The following TRAPPC9 variants were observed in gnomAD, a reference collection of about 807,000 sequenced individuals.
The protein encoded by TRAPPC9 is trafficking protein particle complex subunit 9.
TRAPPC9 carries 83 observed loss-of-function variants against 124.0 expected under a neutral mutation model. The ratio of observed to expected loss-of-function variants is 0.67; its 90% CI spans 0.56 to 0.80. The LOEUF (loss-of-function observed/expected upper bound fraction) is 0.80. TRAPPC9 is among the 30% of genes least tolerant of loss of function. TRAPPC9 has a pLI of 0.00. For synonymous variants in TRAPPC9, 638 were observed against 617.5 expected (o/e 1.03, Z -0.49); for missense variants, 1,302 against 1,508.3 (o/e 0.86, Z 2.27).
chr8:140,361,126 G>C (rs988955459), intron 8 of TRAPPC9, among the ~76,000 whole-genome samples: 1 of 152,160 alleles, frequency 6.6e-6, no homozygotes, highest in Non-Finnish European at 1.5e-5. Context: ...CCAAAACTTA[G>C]ACCATGAAAA....
chr8:139,896,021 G>A (rs1358488570), intron 20 of TRAPPC9, among the ~76,000 whole-genome samples: 3 of 152,204 alleles, frequency 2.0e-5, no homozygotes, highest in Non-Finnish European at 4.4e-5. Context: ...TGGAGCTTTG[G>A]AAGCCATTCC....
At chr8:140,379,022 A>C (rs1241090501) in intron 7 of TRAPPC9, among the ~76,000 whole-genome samples, 2 of 152,234 alleles carry the variant, frequency 1.3e-5, no homozygotes, top group Admixed American at 1.3e-4. Flanking sequence ...CTATATTGTC[A>C]AAACAAAAAT....
Position 140,351,612 on chromosome 8 carries a change from T to C in TRAPPC9, c.1495+8438A>G, listed in dbSNP as rs189310280. 8.5e-5 allele frequency among the ~76,000 whole-genome samples: 13 copies of C among 152,170 alleles called. No individual in the cohort carries two copies. In the East Asian group the frequency reaches 2.5e-3, roughly 29 times the overall value. ...GGCGAGACCTCATCTCTGCTAAAAATAAAAATAAATAAATAAACAAACTAT... is the reference window on the plus strand; with the variant it reads ...GGCGAGACCTCATCTCTGCTAAAAACAAAAATAAATAAATAAACAAACTAT... On this transcript the variant is annotated intron_variant, in intron 9 of 22. Coordinates refer to ENST00000438773, the MANE Select transcript of TRAPPC9 (RefSeq NM_001160372.4).
intron 6 of TRAPPC9, among the ~76,000 whole-genome samples, chr8:140,403,873 G>A (rs1372160138): frequency 6.6e-6 from 1 of 151,910 alleles, no homozygotes; most frequent in Non-Finnish European, 1.5e-5. Context: ...GCCCGGGGTG[G>A]TCTCAAACTC....
rs776155126 is a variant in TRAPPC9, at chr8:140,033,658, G to GTTTTTTTT, written c.2557-9587_2557-9580dup. ...TTGAAATGCAACTCTTCATAATGTGGTTTTTTTTTTTTTTTTTTTTTTTTT... is the reference window on the plus strand; with the variant it reads ...TTGAAATGCAACTCTTCATAATGTGGTTTTTTTTTTTTTTTTTTTTTTTTTTTTTTTTT... On this transcript the variant is annotated intron_variant, in intron 17 of 22. Coordinates refer to ENST00000438773, the MANE Select transcript of TRAPPC9 (RefSeq NM_001160372.4). Among the ~76,000 whole-genome samples the GTTTTTTTT allele has an allele frequency of 3.0e-3, 129 of 42,368 alleles. 15 individuals carry two copies. Among genetic ancestry groups the GTTTTTTTT allele is most frequent in the Non-Finnish European group, 5.6e-3 (102 of 18,088 alleles). 27.8% of individuals were successfully genotyped at this position (42,368 alleles called of 152,430 possible).
At chr8:139,852,552 G>T (rs1180118242) in intron 21 of TRAPPC9, among the ~76,000 whole-genome samples, 1 of 152,214 alleles carries the variant, frequency 6.6e-6, no homozygotes, top group Non-Finnish European at 1.5e-5. Flanking sequence ...TGTATAAAAT[G>T]ACAGAGAACA....
chr8:139,900,310 C>T (rs1830941856), intron 20 of TRAPPC9, among the ~76,000 whole-genome samples: 1 of 152,178 alleles, frequency 6.6e-6, no homozygotes, highest in Non-Finnish European at 1.5e-5. Context: ...TGAACACCCC[C>T]ATCTTCTAGA....
chr8:139,905,590 G>A (rs370484452), intron 20 of TRAPPC9, among the ~76,000 whole-genome samples: 1 of 152,144 alleles, frequency 6.6e-6, no homozygotes, highest in African/African-American at 2.4e-5. Context: ...GTCACCCGGG[G>A]CAGGGACTGG....
rs117067503 is a variant in TRAPPC9 at position 140,344,661 on chromosome 8, C to T, written c.1495+15389G>A. ...GCAGAAAAAAACAAGTGCAAGGTCC[C>T]GGACAAGAGCCAGAAATCAAGTTTG... On this transcript the variant is annotated intron_variant, in intron 9 of 22. Coordinates refer to ENST00000438773, the MANE Select transcript of TRAPPC9 (RefSeq NM_001160372.4). 4.4e-4 allele frequency among the ~76,000 whole-genome samples: 67 copies of T among 152,346 alleles called. No individual in the cohort carries two copies. The East Asian group carries it at 0.013, about 29-fold the overall frequency.
At chr8:140,076,940 A>C (rs1843542571) in intron 17 of TRAPPC9, among the ~76,000 whole-genome samples, 1 of 152,228 alleles carries the variant, frequency 6.6e-6, no homozygotes, top group African/African-American at 2.4e-5. Flanking sequence ...CTGAGGCAGA[A>C]GGATGGCTTA....
At chr8:140,052,455 G>A (rs1842061336) in intron 17 of TRAPPC9, among the ~76,000 whole-genome samples, 1 of 152,088 alleles carries the variant, frequency 6.6e-6, no homozygotes, top group South Asian at 2.1e-4. Flanking sequence ...TGGGCAATAT[G>A]GCAAGAACCC....
chr8:139,908,368 G>C (rs554306917), intron 20 of TRAPPC9, among the ~76,000 whole-genome samples: 2 of 152,224 alleles, frequency 1.3e-5, no homozygotes, highest in East Asian at 3.9e-4. Context: ...TCTGAGACCC[G>C]AGTAAGAGAT....
intron 16 of TRAPPC9, among the ~76,000 whole-genome samples, chr8:140,246,760 G>A (rs2063997893): frequency 1.3e-5 from 2 of 152,112 alleles, no homozygotes; most frequent in Non-Finnish European, 2.9e-5. Flanking sequence ...CGAGGCGGGC[G>A]GATCACCTGA....
At chr8:140,451,529 T>G in intron 1 of TRAPPC9, 146 bp from the exon 2 acceptor site, 1 of 712,124 alleles carries the variant, frequency 1.4e-6, no homozygotes, top group Non-Finnish European at 2.5e-6. Flanking sequence ...CTTAGGGCTC[T>G]ACACGTGGCT....
intron 18 of TRAPPC9, among the ~76,000 whole-genome samples, chr8:140,009,210 A>G (rs994631627): frequency 5.9e-5 from 9 of 152,194 alleles, no homozygotes; most frequent in Non-Finnish European, 1.2e-4. Flanking sequence ...AGACTCCCCC[A>G]TTTGTACACT....
chr8:140,043,305 C>CTAAATTCAGTTTTGTT (rs1841380333), intron 17 of TRAPPC9, among the ~76,000 whole-genome samples: 1 of 152,190 alleles, frequency 6.6e-6, no homozygotes, highest in African/African-American at 2.4e-5. Context: ...CTCTTGTACA[C>CTAAATTCAGTTTTGTT]TAAATTCAGT....
intron 19 of TRAPPC9, among the ~76,000 whole-genome samples, chr8:139,915,682 G>A (rs979463417): frequency 6.6e-6 from 1 of 152,186 alleles, no homozygotes; most frequent in East Asian, 1.9e-4. Context: ...GGGCTTCTGC[G>A]GGGAACATCA....
intron 17 of TRAPPC9, among the ~76,000 whole-genome samples, chr8:140,136,221 C>T (rs542877957): frequency 1.3e-5 from 2 of 152,104 alleles, no homozygotes; most frequent in African/African-American, 2.4e-5. Context: ...GTGGGAAGGA[C>T]CTGGTATGGA....
At chr8:140,123,640 G>T (rs142427663) in intron 17 of TRAPPC9, among the ~76,000 whole-genome samples, 55 of 152,270 alleles carry the variant, frequency 3.6e-4, no homozygotes, top group Non-Finnish European at 7.1e-4. Context: ...TGTACTTCTC[G>T]CACATCACTC....
Sources: gnomAD v4.1 joint callset for allele counts (sites outside exome capture counted in the v4.1 genomes callset) on GRCh38, gnomAD v4.1.1 for gene constraint, MANE v1.5 for transcripts, NCBI Gene and HGNC (gene_info 2026-07-23, HGNC 2026-07-21) for gene names.